Variants in DPP3 observed in about 807,000 individuals in gnomAD.
DPP3 encodes dipeptidyl peptidase 3, also known as DPP III.
A neutral mutation model predicts 89.8 loss-of-function variants in DPP3; 64 were observed. That is an observed-to-expected ratio of 0.71 (90% confidence interval 0.58 to 0.88). The LOEUF (loss-of-function observed/expected upper bound fraction) is 0.88, where lower values mean the gene tolerates loss of function less well. DPP3 is among the 40% of genes least tolerant of loss of function. The pLI is 0.00. For synonymous variants in DPP3, 377 were observed against 404.3 expected (o/e 0.93, Z 0.81); for missense variants, 835 against 972.5 (o/e 0.86, Z 1.88).
intron 5 of DPP3, 43 bp downstream of exon 5, chr11:66,487,385 G>C (rs1389558932): frequency 1.3e-6 from 2 of 1,592,838 alleles, no homozygotes; most frequent in Non-Finnish European, 1.7e-6. Flanking sequence ...GTTTGGTGGG[G>C]TTCCTAGTCC....
At chr11:66,497,522 C>T in intron 16 of DPP3, 45 bp downstream of exon 16, 3 of 1,580,266 alleles carry the variant, frequency 1.9e-6, no homozygotes, top group Non-Finnish European at 2.6e-6. Flanking sequence ...CCAACCTCTC[C>T]AGGGGCACTG....
chr11:66,491,101 C>A, intron 6 of DPP3, 152 bp from the exon 7 acceptor site: 1 of 1,205,240 alleles, frequency 8.3e-7, no homozygotes, highest in Non-Finnish European at 1.2e-6. Flanking sequence ...AGAGTTTATG[C>A]TCATGTCTGT....
At chr11:66,492,619 A>G in intron 9 of DPP3, 97 bp from the exon 10 acceptor site, 3 of 1,370,894 alleles carry the variant, frequency 2.2e-6, no homozygotes, top group Non-Finnish European at 3.0e-6. Context: ...GTGACTGCAT[A>G]CAGTAGGCAT....
rs761833449 is a variant in DPP3 at position 66,493,618 on chromosome 11, C to T, written c.1374C>T (p.Gly458=). 2.3e-5 allele frequency: 37 copies of T among 1,612,104 alleles called. No homozygotes were observed. The highest frequency in any genetic ancestry group is 3.0e-5 in the Non-Finnish European group (35 of 1,179,580). ...ACGAGCTGCTGGGCCATGGCAGTGG[C>T]AAGCTCTTCGTACAGGTGAGAAGGC... ...GLHELLGHGS[G]KLFVQDEKGA... The change falls in exon 12 of 18, where the codon GGC becomes GGT. Residue 458 remains glycine (G), a synonymous_variant. Coordinates refer to ENST00000531863, the MANE Select transcript of DPP3 (RefSeq NM_130443.4).
chr11:66,488,431 G>A (rs910889754), intron 6 of DPP3, among the ~76,000 whole-genome samples: 4 of 152,228 alleles, frequency 2.6e-5, no homozygotes, highest in South Asian at 2.1e-4. Context: ...GCGTGGTGGC[G>A]TGTGCCTGTA....
intron 12 of DPP3, among the ~76,000 whole-genome samples, chr11:66,494,906 G>C (rs532987396): frequency 6.6e-6 from 1 of 152,260 alleles, no homozygotes; most frequent in South Asian, 2.1e-4. Context: ...GGAGACACCA[G>C]ATCTGGGTCC....
chr11:66,486,815 A>G (rs1239106965), intron 4 of DPP3, 138 bp downstream of exon 4: 3 of 1,098,460 alleles, frequency 2.7e-6, no homozygotes, highest in Non-Finnish European at 3.7e-6. Context: ...TCCCCACTGC[A>G]GGCCTCAGTT....
At chr11:66,492,390 A>G in intron 9 of DPP3, 2 of 259,032 alleles carry the variant, frequency 7.7e-6, no homozygotes, top group Non-Finnish European at 7.3e-6. Flanking sequence ...CTGGATTTAG[A>G]AGAGTCTGAG....
Position 66,491,691 on chromosome 11 carries a change from C to G in DPP3, c.930-7C>G. The G allele has an allele frequency of 6.2e-7, 1 of 1,613,158 alleles. No homozygotes were observed. Among genetic ancestry groups the G allele is most frequent in the Non-Finnish European group, 8.5e-7 (1 of 1,179,672 alleles). ...CCCTCCTCCACCTCTGCCCTTCTCT[C>G]CCCCAGTTACATCGGGTTCATCGAG... On this transcript the variant is annotated splice_region_variant and splice_polypyrimidine_tract_variant and intron_variant, in intron 8 of 17. Transcript: ENST00000531863.
Position 66,497,474 on chromosome 11 carries a change from T to A in DPP3, c.1875T>A (p.Leu625=). 1 of 1,612,512 alleles carries A rather than the reference T, an allele frequency of 6.2e-7. No individual in the cohort carries two copies. The highest frequency in any genetic ancestry group is 8.5e-7 in the Non-Finnish European group (1 of 1,179,194). ...CTCTAGAGCGCTTCCTGCGGAGACT[T>A]CAGGTAAGCAAAGGCCTCTCGTCTG... is the stretch of plus-strand genomic sequence containing the variant. ...KPALERFLRR[L]QVLKSTGDVA... is the part of the protein sequence containing the mutation. Residue 625 remains leucine, a synonymous_variant, in exon 16 of 18, where the codon CTT becomes CTA. Transcript: ENST00000531863.
intron 16 of DPP3, among the ~76,000 whole-genome samples, chr11:66,498,641 C>T (rs1209182314): frequency 6.6e-6 from 1 of 152,090 alleles, no homozygotes; most frequent in Admixed American, 6.6e-5. Context: ...AAGAAACAGC[C>T]CCAGAGAGAA....
At position 66,492,721 on chromosome 11, in the gene DPP3, G is replaced by T. The variant is rs200473591; in HGVS notation, c.994G>T (p.Val332Leu). Residue 332 changes from valine to leucine, a missense_variant, in exon 10 of 18, where the codon GTA becomes TTA. Val to Leu is a conservative substitution (Grantham distance 32). Transcript: ENST00000531863. The part of the protein sequence containing the change: ...FGSRGEFEGF[V>L]AVVNKAMSAK... ...ACCCCCTCCCTCCTCTGCAGGTTTC[G>T]TAGCTGTGGTGAACAAGGCCATGAG... The T allele has an allele frequency of 1.9e-6, 3 of 1,586,064 alleles. No homozygotes were observed. Among genetic ancestry groups the T allele is most frequent in the Non-Finnish European group, 2.6e-6 (3 of 1,167,416 alleles).
intron 16 of DPP3, among the ~76,000 whole-genome samples, chr11:66,502,961 T>C (rs1405333483): frequency 6.6e-6 from 1 of 151,794 alleles, no homozygotes; most frequent in Non-Finnish European, 1.5e-5. Flanking sequence ...AAGAAATGTT[T>C]TATTTTATTT....
chr11:66,481,997 C>T (rs1247183604), intron 1 of DPP3, 196 bp from the exon 2 acceptor site: 2 of 716,184 alleles, frequency 2.8e-6, no homozygotes, highest in African/African-American at 1.8e-5. Flanking sequence ...TATGGTCCAC[C>T]AGTGTATTTT....
chr11:66,492,777 A>T lies in DPP3; in HGVS notation c.1050A>T (p.Ala350=), dbSNP rs1393188181. Residue 350 remains alanine, a synonymous_variant, in exon 10 of 18, where the codon GCA becomes GCT. Coordinates refer to ENST00000531863, the MANE Select transcript of DPP3 (RefSeq NM_130443.4). ...AGTTTGAGCGGCTGGTGGCGAGCGC[A>T]GAGCAGCTGCTGAAGGAGCTGCCCT... ...SAKFERLVAS[A]EQLLKELPWP... is the part of the protein sequence containing the mutation. 6.2e-7 allele frequency: 1 copy of T among 1,613,830 alleles called. No individual in the cohort carries two copies. The highest frequency in any genetic ancestry group is 8.5e-7 in the Non-Finnish European group (1 of 1,179,890).
chr11:66,493,835 T>C (rs1855461051), intron 12 of DPP3, among the ~76,000 whole-genome samples: 2 of 152,164 alleles, frequency 1.3e-5, no homozygotes, highest in Non-Finnish European at 2.9e-5. Flanking sequence ...ATGTAGAGCC[T>C]GGGTGTACAT....
intron 11 of DPP3, 55 bp from the exon 12 acceptor site, chr11:66,493,486 G>A: frequency 1.3e-6 from 2 of 1,579,208 alleles, no homozygotes; most frequent in Non-Finnish European, 1.7e-6. Context: ...AGGCCGACAG[G>A]CTGTATAGCC....
chr11:66,483,614 A>C (rs545202205), intron 2 of DPP3, among the ~76,000 whole-genome samples: 10 of 152,190 alleles, frequency 6.6e-5, no homozygotes, highest in African/African-American at 1.7e-4. Flanking sequence ...TTTTCTTACA[A>C]ACAGTGCCAT....
Position 66,495,726 on chromosome 11 carries a change from A to G in DPP3, c.1674A>G (p.Thr558=), listed in dbSNP as rs199614462. The change falls in exon 15 of 18, where the codon ACA becomes ACG. Residue 558 remains threonine (T), a synonymous_variant. Coordinates refer to ENST00000531863, the MANE Select transcript of DPP3 (RefSeq NM_130443.4). ...GGCTGCTCGCTCTGGAGTTCTACAC[A>G]CCTGAGGCCTTCAACTGGCGACAGG... is the stretch of plus-strand genomic sequence containing the variant. ...RAGLLALEFY[T]PEAFNWRQAH... 1.5e-5 allele frequency: 24 copies of G among 1,611,880 alleles called. No individual in the cohort carries two copies. The highest frequency in any genetic ancestry group is 1.9e-5 in the Non-Finnish European group (22 of 1,179,304).
Sources: allele counts gnomAD v4.1 joint callset (sites outside exome capture counted in the v4.1 genomes callset), GRCh38; gene constraint gnomAD v4.1.1; transcripts MANE v1.5; gene names NCBI Gene and HGNC (gene_info 2026-07-23, HGNC 2026-07-21).